UGT1A5: variants seen among roughly 807,000 people sequenced by gnomAD.
The protein encoded by UGT1A5 is UDP glucuronosyltransferase family 1 member A5, also known as UDP-glucuronosyltransferase 1A5.
Under a neutral mutation model 40.3 loss-of-function variants are expected in UGT1A5, and 29 were observed. That is an observed-to-expected ratio of 0.72 (90% CI 0.54 to 0.98). The LOEUF (loss-of-function observed/expected upper bound fraction) is 0.98, where lower values mean the gene tolerates loss of function less well. Among genes scored for constraint, UGT1A5 ranks in the 50% least tolerant of loss-of-function variants. The pLI is 0.00. For missense variants in UGT1A5, 678 were observed against 677.9 expected, an observed-to-expected ratio of 1.00 and a Z score of 0.00; for synonymous variants, 257 against 262.5, an observed-to-expected ratio of 0.98 and a Z score of 0.20.
intron 1 of UGT1A5, among the ~76,000 whole-genome samples, chr2:233,732,854 T>C (rs1024629141): frequency 3.3e-5 from 5 of 151,658 alleles, no homozygotes; most frequent in African/African-American, 9.7e-5. Context: ...TGTGAAGTCA[T>C]TGGTAGCTTG....
At chr2:233,745,000 A>T in intron 1 of UGT1A5, among the ~76,000 whole-genome samples, 1 of 151,770 alleles carries the variant, frequency 6.6e-6, no homozygotes, top group Non-Finnish European at 1.5e-5. Context: ...GATTACTTTT[A>T]CCTAATAAAT....
intron 1 of UGT1A5, chr2:233,760,526 C>T (rs2125985458): frequency 3.7e-6 from 6 of 1,614,242 alleles, no homozygotes; most frequent in Non-Finnish European, 5.1e-6. Context: ...AAGACGTACC[C>T]TGTGCCATTC....
At chr2:233,716,297 A>G (rs1181187909) in intron 1 of UGT1A5, among the ~76,000 whole-genome samples, 1 of 152,154 alleles carries the variant, frequency 6.6e-6, no homozygotes, top group Non-Finnish European at 1.5e-5. Flanking sequence ...CACATCTATA[A>G]AGTCTCTTCC....
At chr2:233,751,684 G>T (rs1056105452) in intron 1 of UGT1A5, among the ~76,000 whole-genome samples, 7 of 152,138 alleles carry the variant, frequency 4.6e-5, no homozygotes, top group Non-Finnish European at 1.0e-4. Flanking sequence ...AGAGCTGATG[G>T]TTTTATAAGG....
rs150697955 is a variant in UGT1A5 at position 233,712,999 on chromosome 2, C to G, written c.8C>G (p.Thr3Arg). Residue 3 changes from threonine (T) to arginine (R), a missense_variant, in exon 1 of 5, where the codon ACA becomes AGA. Transcript: ENST00000373414. The stretch of plus-strand genomic sequence containing the variant: ...TCGGTGGCTTCTGCTGAGATGGCCA[C>G]AGGACTCCAGGTTCCCCTGCCGCAG... Reference protein sequence around the residue: MATGLQVPLPQLA... With the variant: MARGLQVPLPQLA... 763 of 1,613,480 alleles carry G rather than the reference C, an allele frequency of 4.7e-4. 15 individuals are homozygous for G. In the South Asian group the frequency reaches 7.3e-3, roughly 15 times the overall value.
intron 1 of UGT1A5, chr2:233,741,756 G>A (rs1189560156): frequency 1.3e-5 from 2 of 151,848 alleles, no homozygotes; most frequent in Non-Finnish European, 2.9e-5. Context: ...GTTGGTTAAT[G>A]ATGTGTTCAG....
chr2:233,747,486 C>T, intron 1 of UGT1A5: 1 of 1,608,834 alleles, frequency 6.2e-7, no homozygotes, highest in Non-Finnish European at 8.5e-7. Flanking sequence ...ATTTGATCGC[C>T]TTGTGCTGGG....
At chr2:233,762,024 A>AT (rs967311965) in intron 1 of UGT1A5, among the ~76,000 whole-genome samples, 3 of 151,856 alleles carry the variant, frequency 2.0e-5, no homozygotes, top group African/African-American at 4.8e-5. Context: ...TTTGTATTTT[A>AT]TTTTTTTTAA....
rs139927449 is a variant in UGT1A5, at chr2:233,718,873, T to C, written c.867+5015T>C. 3.7e-6 allele frequency: 6 copies of C among 1,613,914 alleles called. No homozygotes were observed. In the South Asian group the frequency reaches 6.6e-5, roughly 18 times the overall value. On this transcript the variant is annotated intron_variant, in intron 1 of 4. Transcript: ENST00000373414. Reference sequence around the variant, plus strand: ...CCGCGGCTGGCCACAGGACTGCTGCTCCTCCTCAGTGTCCAGCCCTGGGCT... The same window carrying C: ...CCGCGGCTGGCCACAGGACTGCTGCCCCTCCTCAGTGTCCAGCCCTGGGCT...
chr2:233,757,535 A>AATATATATACATATACATATATAT lies in UGT1A5; in HGVS notation c.868-9490_868-9489insCATATACATATATATATATATATA, dbSNP rs376887521. Among the ~76,000 whole-genome samples, 332 of 87,516 alleles carry AATATATATACATATACATATATAT rather than the reference A, an allele frequency of 3.8e-3. 5 individuals are homozygous for AATATATATACATATACATATATAT. Among genetic ancestry groups the AATATATATACATATACATATATAT allele is most frequent in the Middle Eastern group, 0.012 (2 of 168 alleles). The allele number at this position is 87,516 out of a possible 152,430, so 57.4% of individuals were successfully genotyped here. A position where few individuals can be genotyped will look rare whatever the true frequency, so the allele number is the denominator to read the frequency against. Reference sequence around the variant, plus strand: ...CAAAGCCAAAATCTTGCCTGTAAGGAATATATATATATATATATATATATA... The same window carrying AATATATATACATATACATATATAT: ...CAAAGCCAAAATCTTGCCTGTAAGGAATATATATACATATACATATATATATATATATATATATATATATATATA... On this transcript the variant is annotated intron_variant, in intron 1 of 4. Transcript: ENST00000373414.
chr2:233,729,112 G>T, intron 1 of UGT1A5: 1 of 1,612,932 alleles, frequency 6.2e-7, no homozygotes, highest in South Asian at 1.1e-5. Context: ...TCAGCTGTCC[G>T]TGTCTTCTGC....
At chr2:233,725,001 G>C (rs1276972399) in intron 1 of UGT1A5, among the ~76,000 whole-genome samples, 3 of 134,004 alleles carry the variant, frequency 2.2e-5, no homozygotes, top group African/African-American at 3.7e-5. Flanking sequence ...GCTGGAGACC[G>C]GCCCGGCCAA....
chr2:233,729,290 G>A, intron 1 of UGT1A5: 1 of 1,614,236 alleles, frequency 6.2e-7, no homozygotes, highest in Admixed American at 1.7e-5. Context: ...CATGCCAGAG[G>A]CCACCAGGCA....
intron 1 of UGT1A5, chr2:233,717,717 G>T (rs1199377056): frequency 8.8e-6 from 4 of 454,280 alleles, no homozygotes; most frequent in South Asian, 6.2e-5. Flanking sequence ...AGCCTCATGG[G>T]CATGAGACCA....
chr2:233,736,460 A>G (rs1342574700), intron 1 of UGT1A5, among the ~76,000 whole-genome samples: 1 of 152,154 alleles, frequency 6.6e-6, no homozygotes, highest in Non-Finnish European at 1.5e-5. Context: ...TCGAACATGC[A>G]CTTTTAGCTT....
intron 1 of UGT1A5, among the ~76,000 whole-genome samples, chr2:233,714,112 T>G (rs1306472953): frequency 6.6e-6 from 1 of 152,094 alleles, no homozygotes; most frequent in Non-Finnish European, 1.5e-5. Flanking sequence ...GTGGTGTGAC[T>G]CACGGAGACT....
At chr2:233,719,673 A>T (rs770674662) in intron 1 of UGT1A5, 1 of 1,614,074 alleles carries the variant, frequency 6.2e-7, no homozygotes, top group Admixed American at 1.7e-5. Context: ...TGCCAACGGG[A>T]AGCCACTATC....
intron 1 of UGT1A5, among the ~76,000 whole-genome samples, chr2:233,751,824 C>T (rs377308595): frequency 8.3e-4 from 127 of 152,144 alleles, no homozygotes; most frequent in African/African-American, 2.9e-3. Context: ...GCCTCCCCAG[C>T]CATGTGGAAC....
chr2:233,760,932 T>C, intron 1 of UGT1A5: 1 of 1,614,198 alleles, frequency 6.2e-7, no homozygotes, highest in Non-Finnish European at 8.5e-7. Context: ...ACATGCTCAT[T>C]GCCTTTTCAC....
Sources: allele counts gnomAD v4.1 joint callset (sites outside exome capture counted in the v4.1 genomes callset), GRCh38; gene constraint gnomAD v4.1.1; transcripts MANE v1.5; gene names NCBI Gene and HGNC (gene_info 2026-07-23, HGNC 2026-07-21).